Variants in OR3A2 observed in about 807,000 individuals in gnomAD.
OR3A2 encodes the protein olfactory receptor 3A2.
For synonymous variants in OR3A2, 126 were observed against 159.3 expected, an observed-to-expected ratio of 0.79 and a Z score of 1.57; for missense variants, 318 against 392.8, an observed-to-expected ratio of 0.81 and a Z score of 1.61.
chr17:3,343,005 A>G (rs945821768), intron 2 of OR3A2, among the ~76,000 whole-genome samples: 5 of 152,146 alleles, frequency 3.3e-5, no homozygotes, highest in Admixed American at 1.3e-4. Flanking sequence ...TTGCAGTTCG[A>G]TCTTGGACTG....
intron 3 of OR3A2, among the ~76,000 whole-genome samples, chr17:3,307,328 G>A (rs895581748): frequency 4.6e-5 from 7 of 152,178 alleles, no homozygotes; most frequent in Non-Finnish European, 7.3e-5. Context: ...TTTGAGCTCT[G>A]CAACTTAGCC....
intron 3 of OR3A2, among the ~76,000 whole-genome samples, chr17:3,315,818 CAG>C (rs2049078759): frequency 1.3e-5 from 2 of 150,860 alleles, no homozygotes; most frequent in Admixed American, 6.6e-5. Flanking sequence ...CTCCAGCCTT[CAG>C]AGTGTCCCGT....
At chr17:3,378,251 C>T (rs2049701328) in intron 2 of OR3A2, among the ~76,000 whole-genome samples, 2 of 152,236 alleles carry the variant, frequency 1.3e-5, no homozygotes, top group African/African-American at 4.8e-5. Flanking sequence ...CACCGCCCTC[C>T]CCAGACTCCC....
intron 2 of OR3A2, among the ~76,000 whole-genome samples, chr17:3,350,417 A>G (rs1375165537): frequency 2.4e-4 from 36 of 149,982 alleles, no homozygotes; most frequent in Non-Finnish European, 4.7e-4. Flanking sequence ...CTACGCAAAT[A>G]AACTAGAAAA....
At chr17:3,294,612 G>T (rs377729842) in intron 3 of OR3A2, among the ~76,000 whole-genome samples, 1 of 152,050 alleles carries the variant, frequency 6.6e-6, no homozygotes, top group African/African-American at 2.4e-5. Context: ...CATACAGAAC[G>T]CCAGCATTGT....
intron 3 of OR3A2, among the ~76,000 whole-genome samples, chr17:3,313,682 T>C (rs1038208708): frequency 6.6e-6 from 1 of 152,242 alleles, no homozygotes; most frequent in African/African-American, 2.4e-5. Context: ...GTATTCAGTG[T>C]TCTTAATCTC....
At chr17:3,354,052 T>G in intron 2 of OR3A2, among the ~76,000 whole-genome samples, 1 of 151,876 alleles carries the variant, frequency 6.6e-6, no homozygotes, top group Non-Finnish European at 1.5e-5. Context: ...TGAGTAATTT[T>G]TTTAAATGTA....
At chr17:3,283,383 G>C (rs374136497) in intron 1 of OR3A2, among the ~76,000 whole-genome samples, 33 of 152,170 alleles carry the variant, frequency 2.2e-4, no homozygotes, top group African/African-American at 7.7e-4. Context: ...GCGCCACCAC[G>C]CCCAGCTAAC....
At chr17:3,362,497 T>C (rs1036233686) in intron 2 of OR3A2, among the ~76,000 whole-genome samples, 1 of 151,816 alleles carries the variant, frequency 6.6e-6, no homozygotes, top group Non-Finnish European at 1.5e-5. Flanking sequence ...CTAGTTCTTT[T>C]CATTGTGATG....
intron 3 of OR3A2, chr17:3,291,111 T>C (rs1326860472): frequency 1.3e-5 from 2 of 152,698 alleles, no homozygotes; most frequent in African/African-American, 2.4e-5. Flanking sequence ...GGGGTCCTTG[T>C]TTAATGGGAA....
At chr17:3,333,674 T>C (rs190130829) in intron 3 of OR3A2, among the ~76,000 whole-genome samples, 1 of 152,144 alleles carries the variant, frequency 6.6e-6, no homozygotes, top group Non-Finnish European at 1.5e-5. Context: ...CATTGAAATA[T>C]TGGGGGCATG....
At chr17:3,291,651 C>T in intron 3 of OR3A2, 1 of 1,599,142 alleles carries the variant, frequency 6.3e-7, no homozygotes. Flanking sequence ...CAGTGACCGC[C>T]TCCCTGTGAG....
chr17:3,358,229 T>C (rs2049479381), intron 2 of OR3A2, among the ~76,000 whole-genome samples: 1 of 151,808 alleles, frequency 6.6e-6, no homozygotes, highest in Non-Finnish European at 1.5e-5. Flanking sequence ...TGAATCTGAT[T>C]AAAGAATTAA....
At chr17:3,289,044 T>C (rs1269643803), upstream of OR3A2, among the ~76,000 whole-genome samples, 1 of 152,156 alleles carries the variant, frequency 6.6e-6, no homozygotes, top group Non-Finnish European at 1.5e-5. Context: ...CTATGCAATA[T>C]AGACAGAGAA....
At chr17:3,290,888 G>A (rs1434649365) in intron 3 of OR3A2, 4 of 152,192 alleles carry the variant, frequency 2.6e-5, no homozygotes, top group Admixed American at 2.0e-4. Context: ...ATAATGCTTA[G>A]ATTATAAATT....
intron 3 of OR3A2, among the ~76,000 whole-genome samples, chr17:3,326,762 T>A (rs558448539): frequency 1.5e-5 from 2 of 136,976 alleles, no homozygotes; most frequent in Non-Finnish European, 3.1e-5. Context: ...GTCCATGTGA[T>A]CTCATTGTTC....
chr17:3,311,807 A>G lies in OR3A2; in HGVS notation c.-85+24226T>C, dbSNP rs947178293. ...GGCTCAGTCTCAGCCTCAGACAAAG[A>G]TAAGGGGATTGGGATCCTCAACACT... On this transcript the variant is annotated intron_variant, in intron 3 of 4. Transcript: ENST00000573491. The surrounding 1 kb of genome is among the most constrained non-coding windows in gnomAD (Gnocchi z 4.6). 1 of 199,394 alleles carries G rather than the reference A, an allele frequency of 5.0e-6. No homozygotes were observed. Among genetic ancestry groups the G allele is most frequent in the Non-Finnish European group, 1.1e-5 (1 of 94,968 alleles). 12.4% of individuals were successfully genotyped at this position (199,394 alleles called of 1,614,324 possible).
intron 2 of OR3A2, among the ~76,000 whole-genome samples, chr17:3,355,907 C>T (rs560650982): frequency 6.6e-6 from 1 of 151,312 alleles, no homozygotes; most frequent in South Asian, 2.1e-4. Flanking sequence ...TTCTTTCCTT[C>T]CTTCCTGTCT....
rs187326183 is a variant in OR3A2, at chr17:3,339,335, A to C, written c.-178-3209T>G. 1.5e-3 allele frequency among the ~76,000 whole-genome samples: 231 copies of C among 152,250 alleles called. 1 individual carries two copies. Among genetic ancestry groups the C allele is most frequent in the African/African-American group, 4.5e-3 (188 of 41,554 alleles). Reference sequence around the variant, plus strand: ...ATAGGAGTGGTGAGAGAGGGCATCCATGTCTTGTGCCAGTTTTCAAAGGGA... The same window carrying C: ...ATAGGAGTGGTGAGAGAGGGCATCCCTGTCTTGTGCCAGTTTTCAAAGGGA... On this transcript the variant is annotated intron_variant, in intron 2 of 4. Transcript: ENST00000573491.
Sources: allele counts gnomAD v4.1 joint callset (sites outside exome capture counted in the v4.1 genomes callset), GRCh38; gene constraint gnomAD v4.1.1; non-coding constraint Gnocchi (gnomAD v3.1); transcripts MANE v1.5; gene names NCBI Gene and HGNC (gene_info 2026-07-23, HGNC 2026-07-21).